The following TMEM232 variants were observed in gnomAD, a reference collection of about 807,000 sequenced individuals.
TMEM232 encodes the protein transmembrane protein 232.
TMEM232 carries 80 observed loss-of-function variants against 78.8 expected under a neutral mutation model. The ratio of observed to expected loss-of-function variants is 1.01; its 90% CI spans 0.85 to 1.22. TMEM232 has a LOEUF of 1.22. Among genes scored for constraint, TMEM232 ranks in the 50% most tolerant of loss-of-function variants. The probability of loss-of-function intolerance (pLI) is 0.00; values close to 1 mark genes in which losing one functional copy is unlikely to be tolerated. For synonymous variants in TMEM232, 297 were observed against 254.3 expected (o/e 1.17, Z -1.60); for missense variants, 881 against 742.2 (o/e 1.19, Z -2.17).
chr5:110,459,849 T>G (rs958945812), intron 12 of TMEM232, among the ~76,000 whole-genome samples: 2 of 152,164 alleles, frequency 1.3e-5, no homozygotes, highest in Non-Finnish European at 2.9e-5. Flanking sequence ...AAGGACACAT[T>G]GTTTCTGTGC....
Position 110,420,284 on chromosome 5 carries a change from T to C in TMEM232, c.*296A>G. 4.8e-6 allele frequency: 1 copy of C among 207,010 alleles called. No homozygotes were observed. Among genetic ancestry groups the C allele is most frequent in the Middle Eastern group, 1.6e-3 (1 of 618 alleles). The allele number at this position is 207,010 out of a possible 1,614,324, so 12.8% of individuals were successfully genotyped here. On this transcript the variant is annotated 3_prime_UTR_variant, in exon 14 of 14. Coordinates refer to ENST00000455884, the MANE Select transcript of TMEM232 (RefSeq NM_001039763.4). ...AATGTTCTGAGAATCAGTTATCAAG[T>C]ATGCTGTACAATCATGAGATAAAGG...
chr5:110,621,910 A>G (rs1304575684), intron 7 of TMEM232, among the ~76,000 whole-genome samples: 1 of 152,140 alleles, frequency 6.6e-6, no homozygotes, highest in African/African-American at 2.4e-5. Flanking sequence ...AGATAACAAC[A>G]CCAGTTTAGA....
chr5:110,592,434 T>C (rs1002132717), intron 10 of TMEM232, among the ~76,000 whole-genome samples: 1 of 152,186 alleles, frequency 6.6e-6, no homozygotes, highest in African/African-American at 2.4e-5. Context: ...TTATGGCTTC[T>C]ACAAGAAGTT....
rs148203079 is a variant in TMEM232, at chr5:110,638,276, C to T, written c.423G>A (p.Ala141=). 1.7e-5 allele frequency: 27 copies of T among 1,550,532 alleles called. No individual in the cohort carries two copies. The highest frequency in any genetic ancestry group is 5.5e-5 in the African/African-American group (4 of 72,992). ...YDHLPALFFV[A]ESVLYRLCCD... is the part of the protein sequence containing the mutation. ...AACACAGTCTGTATAAAACCGATTC[C>T]GCAACAAAAAATAAGGCAGGCAGAT... Residue 141 remains alanine, a synonymous_variant, in exon 5 of 14, where the codon GCG becomes GCA. Transcript: ENST00000455884.
intron 5 of TMEM232, 149 bp downstream of exon 5, chr5:110,638,049 T>A (rs1786122955): frequency 1.8e-6 from 1 of 552,108 alleles, no homozygotes; most frequent in African/African-American, 2.0e-5. Context: ...AATAACGTAC[T>A]ACTCACAATT....
intron 1 of TMEM232, among the ~76,000 whole-genome samples, chr5:110,683,352 T>C (rs1792987551): frequency 6.6e-6 from 1 of 151,944 alleles, no homozygotes. Flanking sequence ...TAACAATTTT[T>C]AAGCATTAAA....
At chr5:110,473,839 T>C (rs1324638938) in intron 12 of TMEM232, among the ~76,000 whole-genome samples, 1 of 82,782 alleles carries the variant, frequency 1.2e-5, no homozygotes, top group Non-Finnish European at 2.3e-5. Flanking sequence ...TGATATGCAA[T>C]AACATAGATA....
intron 12 of TMEM232, among the ~76,000 whole-genome samples, chr5:110,484,999 G>T (rs997399572): frequency 6.6e-6 from 1 of 152,088 alleles, no homozygotes; most frequent in Non-Finnish European, 1.5e-5. Flanking sequence ...TATTAGCATG[G>T]ATGCAGTGAT....
At chr5:110,433,074 C>T (rs544117822) in intron 12 of TMEM232, among the ~76,000 whole-genome samples, 2 of 151,848 alleles carry the variant, frequency 1.3e-5, no homozygotes, top group South Asian at 4.1e-4. Context: ...TTAGATAGTT[C>T]ATCAAGGCAG....
At chr5:110,641,634 CACT>C (rs1433760851) in intron 3 of TMEM232, among the ~76,000 whole-genome samples, 1 of 152,038 alleles carries the variant, frequency 6.6e-6, no homozygotes, top group Non-Finnish European at 1.5e-5. Context: ...AAAATAACAC[CACT>C]ACAACACCAC....
chr5:110,721,821 A>T (rs1561569726), intron 1 of TMEM232, among the ~76,000 whole-genome samples: 1 of 151,350 alleles, frequency 6.6e-6, no homozygotes, highest in East Asian at 1.9e-4. Context: ...AAGGAAAAAT[A>T]TAAATTTATT....
intron 5 of TMEM232, among the ~76,000 whole-genome samples, chr5:110,628,662 AGTGTGTGTGT>A (rs146531604): frequency 5.7e-5 from 8 of 140,808 alleles, no homozygotes; most frequent in African/African-American, 8.0e-5. Flanking sequence ...GTCAGTATCC[AGTGTGTGTGT>A]GTGTGTGTGT....
chr5:110,391,324 T>TGAGAGAGA (rs1235654874), intron 3 of TMEM232, among the ~76,000 whole-genome samples: 8 of 132,410 alleles, frequency 6.0e-5, no homozygotes, highest in African/African-American at 2.3e-4. Flanking sequence ...TGTGTGTGTG[T>TGAGAGAGA]GTGAGAGAGA....
At chr5:110,507,609 C>T (rs1172026199) in intron 12 of TMEM232, among the ~76,000 whole-genome samples, 1 of 152,172 alleles carries the variant, frequency 6.6e-6, no homozygotes, top group Non-Finnish European at 1.5e-5. Context: ...TGGGCCATAT[C>T]ACCTTGCTGA....
At position 110,421,150 on chromosome 5, in the gene TMEM232, A is replaced by G. The variant is rs139891395; in HGVS notation, c.1798-394T>C. ...ATACAGAAAATACAAATTAAACAGA[A>G]AGGCAAAAACTCTAATACTATTCTC... On this transcript the variant is annotated intron_variant, in intron 13 of 13. Transcript: ENST00000455884. Among the ~76,000 whole-genome samples the G allele has an allele frequency of 2.6e-3, 401 of 152,132 alleles. 2 individuals are homozygous for G. The highest frequency in any genetic ancestry group is 9.3e-3 in the African/African-American group (388 of 41,548).
At chr5:110,517,049 G>T (rs1581033965) in intron 12 of TMEM232, among the ~76,000 whole-genome samples, 1 of 152,178 alleles carries the variant, frequency 6.6e-6, no homozygotes, top group East Asian at 1.9e-4. Context: ...CTTATATGTT[G>T]GCTTCTTGCC....
chr5:110,625,200 C>T (rs1784259443), intron 7 of TMEM232, 67 bp downstream of exon 7: 6 of 1,388,750 alleles, frequency 4.3e-6, no homozygotes, highest in African/African-American at 1.5e-5. Flanking sequence ...AGCACCATTA[C>T]TTAATCATAG....
At chr5:110,474,767 C>T (rs2149382627) in intron 12 of TMEM232, among the ~76,000 whole-genome samples, 1 of 151,250 alleles carries the variant, frequency 6.6e-6, no homozygotes, top group African/African-American at 2.4e-5. Flanking sequence ...CAAGAAATAG[C>T]AAATAAAAAT....
intron 12 of TMEM232, among the ~76,000 whole-genome samples, chr5:110,447,304 T>G (rs1035285031): frequency 2.0e-5 from 3 of 152,208 alleles, no homozygotes; most frequent in South Asian, 2.1e-4. Context: ...TCTCCTTACA[T>G]TCCTGCACAG....
Sources: gnomAD v4.1 joint callset for allele counts (sites outside exome capture counted in the v4.1 genomes callset) on GRCh38, gnomAD v4.1.1 for gene constraint, MANE v1.5 for transcripts, NCBI Gene and HGNC (gene_info 2026-07-23, HGNC 2026-07-21) for gene names.